GPC5: variants seen among roughly 807,000 people sequenced by gnomAD.
GPC5 encodes the protein glypican-5.
A neutral mutation model predicts 53.9 loss-of-function variants in GPC5; 47 were observed. The ratio of observed to expected loss-of-function variants is 0.87; its 90% CI spans 0.69 to 1.11. GPC5 has a LOEUF of 1.11. GPC5 is among the 50% of genes most tolerant of loss of function. The probability of loss-of-function intolerance (pLI) is 0.00; values close to 1 mark genes in which losing one functional copy is unlikely to be tolerated. For synonymous variants in GPC5, 286 were observed against 263.3 expected, an observed-to-expected ratio of 1.09 and a Z score of -0.84; for missense variants, 748 against 713.1, an observed-to-expected ratio of 1.05 and a Z score of -0.56.
chr13:92,408,852 C>T lies in GPC5; in HGVS notation c.1561+263863C>T, dbSNP rs1364053798. On this transcript the variant is annotated intron_variant, in intron 7 of 7. Transcript: ENST00000377067. The stretch of plus-strand genomic sequence containing the variant: ...TGGTGGTATTCTCTTATAAAATCCC[C>T]CTAAGGTACATTAACCTATAATAAA... Among the ~76,000 whole-genome samples the T allele has an allele frequency of 2.6e-5, 4 of 151,808 alleles. No homozygotes were observed. In the East Asian group the frequency reaches 7.7e-4, roughly 29 times the overall value.
chr13:92,309,559 ACAT>A (rs996838100), intron 7 of GPC5, among the ~76,000 whole-genome samples: 1 of 152,086 alleles, frequency 6.6e-6, no homozygotes, highest in African/African-American at 2.4e-5. Flanking sequence ...AGAAATATAA[ACAT>A]CATTTAAAAT....
At chr13:92,517,032 T>C (rs190823915) in intron 7 of GPC5, among the ~76,000 whole-genome samples, 11 of 151,576 alleles carry the variant, frequency 7.3e-5, no homozygotes, top group Admixed American at 3.3e-4. Context: ...GGAGGTTATA[T>C]CCCGCGCCTG....
chr13:91,971,819 T>C (rs1440971380), intron 6 of GPC5, among the ~76,000 whole-genome samples: 2 of 152,244 alleles, frequency 1.3e-5, no homozygotes, highest in East Asian at 3.8e-4. Context: ...GATTGCACTG[T>C]GGTCTGAGAG....
At chr13:91,692,751 C>T (rs1398635697) in intron 2 of GPC5, among the ~76,000 whole-genome samples, 1 of 152,178 alleles carries the variant, frequency 6.6e-6, no homozygotes, top group African/African-American at 2.4e-5. Context: ...TCAAATGATT[C>T]TTCTGCCTCA....
At chr13:92,744,842 T>C (rs1271387885) in intron 7 of GPC5, among the ~76,000 whole-genome samples, 2 of 152,004 alleles carry the variant, frequency 1.3e-5, no homozygotes, top group African/African-American at 4.8e-5. Context: ...ATAGCTATAC[T>C]AAAAGATGGC....
At chr13:92,454,716 C>T (rs754533918) in intron 7 of GPC5, among the ~76,000 whole-genome samples, 44 of 152,112 alleles carry the variant, frequency 2.9e-4, no homozygotes, top group Non-Finnish European at 5.1e-4. Flanking sequence ...AAGATGGAGC[C>T]TTTGTCCTCA....
At chr13:91,810,007 C>T (rs1442938898) in intron 5 of GPC5, among the ~76,000 whole-genome samples, 1 of 151,898 alleles carries the variant, frequency 6.6e-6, no homozygotes, top group African/African-American at 2.4e-5. Flanking sequence ...AAAAACAACA[C>T]TTAATAAGTG....
chr13:92,491,670 T>C lies in GPC5; in HGVS notation c.1561+346681T>C, dbSNP rs537134874. Among the ~76,000 whole-genome samples the C allele has an allele frequency of 4.6e-5, 7 of 152,012 alleles. No homozygotes were observed. The South Asian group carries it at 1.5e-3, about 32-fold the overall frequency. On this transcript the variant is annotated intron_variant, in intron 7 of 7. Transcript: ENST00000377067. The stretch of plus-strand genomic sequence containing the variant: ...AGATTATCCACTTCAGCATTTTGCC[T>C]CTGACAAGCAACAAGAAATATATTG...
At chr13:91,866,242 G>T (rs556636279) in intron 5 of GPC5, among the ~76,000 whole-genome samples, 2 of 152,318 alleles carry the variant, frequency 1.3e-5, no homozygotes, top group South Asian at 4.1e-4. Context: ...ATAATAATTT[G>T]CTTGATGGTT....
chr13:91,927,385 A>C (rs994691762), intron 6 of GPC5, among the ~76,000 whole-genome samples: 1 of 152,152 alleles, frequency 6.6e-6, no homozygotes, highest in African/African-American at 2.4e-5. Context: ...TTTAAATACT[A>C]TTTATTATCA....
intron 5 of GPC5, among the ~76,000 whole-genome samples, chr13:91,875,051 A>C (rs1010222260): frequency 6.6e-6 from 1 of 152,180 alleles, no homozygotes; most frequent in Non-Finnish European, 1.5e-5. Flanking sequence ...GGTAATCTCA[A>C]ATCTCCAAGG....
chr13:91,610,595 C>T (rs1408016659), intron 2 of GPC5, among the ~76,000 whole-genome samples: 1 of 152,118 alleles, frequency 6.6e-6, no homozygotes, highest in Admixed American at 6.6e-5. Context: ...TGGCTGCTTT[C>T]ATTTTCTAAA....
At chr13:92,173,293 T>C (rs1474994886) in intron 7 of GPC5, among the ~76,000 whole-genome samples, 3 of 152,182 alleles carry the variant, frequency 2.0e-5, no homozygotes, top group Non-Finnish European at 4.4e-5. Flanking sequence ...TTTAGCCTGA[T>C]GCTTTTCCGC....
At chr13:91,778,936 C>T (rs2037753832) in intron 5 of GPC5, among the ~76,000 whole-genome samples, 1 of 152,222 alleles carries the variant, frequency 6.6e-6, no homozygotes, top group African/African-American at 2.4e-5. Context: ...CAGCATGTGA[C>T]TACGCTGAAT....
chr13:92,322,026 G>A (rs923874433), intron 7 of GPC5, among the ~76,000 whole-genome samples: 4 of 151,920 alleles, frequency 2.6e-5, no homozygotes, highest in East Asian at 3.9e-4. Context: ...TTTATGTAAT[G>A]CATGACATAT....
intron 5 of GPC5, among the ~76,000 whole-genome samples, chr13:91,841,656 T>C (rs1173484569): frequency 6.6e-6 from 1 of 151,908 alleles, no homozygotes; most frequent in Non-Finnish European, 1.5e-5. Flanking sequence ...GGCATTGGAT[T>C]TATATTGGTA....
chr13:92,457,478 C>T (rs973924831), intron 7 of GPC5, among the ~76,000 whole-genome samples: 1 of 152,038 alleles, frequency 6.6e-6, no homozygotes, highest in African/African-American at 2.4e-5. Flanking sequence ...CACTGAAGGG[C>T]AAAATTGTCC....
intron 7 of GPC5, among the ~76,000 whole-genome samples, chr13:92,802,350 G>T (rs1876936688): frequency 6.6e-6 from 1 of 151,732 alleles, no homozygotes; most frequent in Admixed American, 6.6e-5. Flanking sequence ...ATATTTCTCA[G>T]AACCTATTCC....
At chr13:91,573,151 G>C (rs2031999042) in intron 2 of GPC5, among the ~76,000 whole-genome samples, 2 of 152,256 alleles carry the variant, frequency 1.3e-5, no homozygotes, top group East Asian at 1.9e-4. Flanking sequence ...ACACAATTCA[G>C]GTCCAGGGAA....
Sources: allele counts gnomAD v4.1 joint callset (sites outside exome capture counted in the v4.1 genomes callset), GRCh38; gene constraint gnomAD v4.1.1; transcripts MANE v1.5; gene names NCBI Gene and HGNC (gene_info 2026-07-23, HGNC 2026-07-21).